The following KIAA0825 variants were observed in gnomAD, a reference collection of about 807,000 sequenced individuals.
The protein encoded by KIAA0825 is uncharacterized protein KIAA0825.
KIAA0825 carries 119 observed loss-of-function variants against 147.6 expected under a neutral mutation model. The observed-to-expected ratio is 0.81, with a 90% confidence interval of 0.69 to 0.94. KIAA0825 has a LOEUF of 0.94. KIAA0825 is among the 40% of genes least tolerant of loss of function. KIAA0825 has a pLI of 0.00. For missense variants in KIAA0825, 1,381 were observed against 1,472.7 expected (o/e 0.94, Z 1.02); for synonymous variants, 470 against 518.1 (o/e 0.91, Z 1.26).
intron 20 of KIAA0825, among the ~76,000 whole-genome samples, chr5:94,173,761 G>A (rs550658105): frequency 6.6e-6 from 1 of 152,264 alleles, no homozygotes; most frequent in Non-Finnish European, 1.5e-5. Context: ...GTGTACTGCT[G>A]CCATCATCTT....
intron 3 of KIAA0825, among the ~76,000 whole-genome samples, chr5:94,530,107 T>TA (rs1410392669): frequency 2.0e-5 from 3 of 151,764 alleles, no homozygotes; most frequent in South Asian, 2.1e-4. Flanking sequence ...CCGTCTCTAC[T>TA]AAAAAACTAC....
intron 20 of KIAA0825, among the ~76,000 whole-genome samples, chr5:94,336,279 C>T (rs11135404): frequency 0.11 from 15,730 of 148,100 alleles, 855 homozygotes; most frequent in Non-Finnish European, 0.12. Flanking sequence ...TTTTTTTATA[C>T]TTTAAGTTCT....
chr5:94,208,860 G>A (rs148023098), intron 20 of KIAA0825, among the ~76,000 whole-genome samples: 131 of 152,230 alleles, frequency 8.6e-4, no homozygotes, highest in African/African-American at 2.9e-3. Flanking sequence ...AACGGGCCAG[G>A]GCTTATTCAT....
intron 12 of KIAA0825, 41 bp from the exon 13 acceptor site, chr5:94,453,110 C>T: frequency 1.0e-6 from 1 of 959,212 alleles, no homozygotes; most frequent in South Asian, 1.6e-5. Context: ...ATACAGGAAG[C>T]ATTAACTATG....
At chr5:94,457,574 AC>A (rs1237521547) in intron 12 of KIAA0825, among the ~76,000 whole-genome samples, 1 of 152,194 alleles carries the variant, frequency 6.6e-6, no homozygotes, top group African/African-American at 2.4e-5. Flanking sequence ...TGTGCCGACC[AC>A]GCCAGCACTC....
chr5:94,531,840 C>G (rs1242300245), intron 3 of KIAA0825, among the ~76,000 whole-genome samples: 1 of 152,180 alleles, frequency 6.6e-6, no homozygotes, highest in Non-Finnish European at 1.5e-5. Context: ...TGCCACAATA[C>G]TGCCAGAAAT....
intron 20 of KIAA0825, among the ~76,000 whole-genome samples, chr5:94,227,111 T>A (rs567575374): frequency 6.6e-6 from 1 of 152,188 alleles, no homozygotes; most frequent in East Asian, 1.9e-4. Context: ...TGTTTATTGC[T>A]GCACTATTCA....
intron 20 of KIAA0825, among the ~76,000 whole-genome samples, chr5:94,225,820 T>A (rs1248852675): frequency 1.3e-5 from 2 of 152,088 alleles, no homozygotes; most frequent in African/African-American, 4.8e-5. Flanking sequence ...CTAACAAAAA[T>A]TGGTTTTAAA....
intron 10 of KIAA0825, among the ~76,000 whole-genome samples, chr5:94,465,564 T>A (rs952362352): frequency 1.2e-4 from 18 of 152,192 alleles, no homozygotes; most frequent in Non-Finnish European, 2.9e-5. Context: ...GGAACATTCT[T>A]GAAACTAAGG....
intron 3 of KIAA0825, among the ~76,000 whole-genome samples, chr5:94,524,380 T>C (rs941306548): frequency 6.6e-6 from 1 of 151,594 alleles, no homozygotes; most frequent in East Asian, 1.9e-4. Context: ...ATAGATGCAA[T>C]TCGATAATAG....
intron 7 of KIAA0825, among the ~76,000 whole-genome samples, chr5:94,474,889 A>G (rs1761672398): frequency 6.6e-6 from 1 of 152,190 alleles, no homozygotes; most frequent in South Asian, 2.1e-4. Flanking sequence ...GGAGATGGAG[A>G]CCATCCTGGC....
chr5:94,388,265 A>G (rs1255771336), intron 18 of KIAA0825, among the ~76,000 whole-genome samples: 1 of 152,176 alleles, frequency 6.6e-6, no homozygotes, highest in Non-Finnish European at 1.5e-5. Flanking sequence ...GGTAATGCAC[A>G]CTATCCCGCC....
intron 20 of KIAA0825, among the ~76,000 whole-genome samples, chr5:94,324,558 A>G (rs182845600): frequency 6.6e-6 from 1 of 151,976 alleles, no homozygotes; most frequent in Non-Finnish European, 1.5e-5. Flanking sequence ...CTGCTACACA[A>G]CAGAGGAATT....
chr5:94,271,662 C>T (rs777828256), intron 20 of KIAA0825, among the ~76,000 whole-genome samples: 3 of 151,954 alleles, frequency 2.0e-5, no homozygotes, highest in Non-Finnish European at 2.9e-5. Flanking sequence ...GCGGGAGAAT[C>T]GTTGAACCTG....
At chr5:94,217,942 T>G (rs1406137853) in intron 20 of KIAA0825, among the ~76,000 whole-genome samples, 1 of 151,560 alleles carries the variant, frequency 6.6e-6, no homozygotes, top group Non-Finnish European at 1.5e-5. Flanking sequence ...CCCAATAGTA[T>G]TACAATCATA....
intron 7 of KIAA0825, among the ~76,000 whole-genome samples, chr5:94,475,802 A>G (rs530756948): frequency 6.6e-6 from 1 of 152,066 alleles, no homozygotes; most frequent in Non-Finnish European, 1.5e-5. Flanking sequence ...GAGTGATACT[A>G]TGTCTCAAAA....
rs1299585326 is a variant in KIAA0825, at chr5:94,384,303, ACACACACACG to A, written c.3710+55_3710+64del. 5.2e-6 allele frequency: 6 copies of A among 1,146,034 alleles called. No individual in the cohort carries two copies. The Admixed American group carries it at 1.2e-4, about 23-fold the overall frequency. 71.0% of individuals were successfully genotyped at this position (1,146,034 alleles called of 1,614,324 possible). A position where few individuals can be genotyped will look rare whatever the true frequency, so the allele number is the denominator to read the frequency against. ...TAGTAAAATCTGTGTACGTGTATAC[ACACACACACG>A]CACACACACAACCTTGTCCCTCAAC... is the stretch of plus-strand genomic sequence containing the variant. On this transcript the variant is annotated intron_variant, in intron 20 of 20. Coordinates refer to ENST00000682413, the MANE Select transcript of KIAA0825 (RefSeq NM_001145678.3).
chr5:94,599,742 T>C (rs949779860), intron 1 of KIAA0825, among the ~76,000 whole-genome samples: 1 of 152,166 alleles, frequency 6.6e-6, no homozygotes, highest in African/African-American at 2.4e-5. Context: ...GGAGAAAATA[T>C]ATGCAAATCA....
rs894034675 is a variant in KIAA0825, at chr5:94,377,073, T to C, written c.3710+7295A>G. Among the ~76,000 whole-genome samples the C allele has an allele frequency of 5.3e-4, 80 of 152,194 alleles. 1 individual carries two copies. Among genetic ancestry groups the C allele is most frequent in the Non-Finnish European group, 4.1e-4 (28 of 68,032 alleles). On this transcript the variant is annotated intron_variant, in intron 20 of 20. Coordinates refer to ENST00000682413, the MANE Select transcript of KIAA0825 (RefSeq NM_001145678.3). ...TAATCTGATATAGGGTAAAGGTACT[T>C]TAATAATTATTATCATTAAAAGCAA...
Sources: allele counts gnomAD v4.1 joint callset (sites outside exome capture counted in the v4.1 genomes callset), GRCh38; gene constraint gnomAD v4.1.1; transcripts MANE v1.5; gene names NCBI Gene and HGNC (gene_info 2026-07-23, HGNC 2026-07-21).